The following GALR1 variants were observed in gnomAD, a reference collection of about 807,000 sequenced individuals.
GALR1 encodes the protein galanin receptor 1.
In GALR1, 11 loss-of-function variants were observed where a neutral mutation model predicts 17.9. The ratio of observed to expected loss-of-function variants is 0.62; its 90% CI spans 0.39 to 1.02. The LOEUF (loss-of-function observed/expected upper bound fraction) is 1.02, where lower values mean the gene tolerates loss of function less well. Among genes scored for constraint, GALR1 ranks in the 50% least tolerant of loss-of-function variants. The pLI is 0.01. For synonymous variants in GALR1, 206 were observed against 205.7 expected (o/e 1.00, Z -0.01); for missense variants, 441 against 456.9 (o/e 0.97, Z 0.32).
At chr18:77,262,576 T>A (rs2144963397) in intron 2 of GALR1, among the ~76,000 whole-genome samples, 1 of 152,350 alleles carries the variant, frequency 6.6e-6, no homozygotes, top group Non-Finnish European at 1.5e-5. Flanking sequence ...CAGGACCAGG[T>A]GCCCAGGGCC....
intron 2 of GALR1, among the ~76,000 whole-genome samples, chr18:77,256,686 GC>G (rs943131257): frequency 6.6e-6 from 1 of 152,180 alleles, no homozygotes; most frequent in African/African-American, 2.4e-5. Flanking sequence ...AGAGTGCTGG[GC>G]CATTCTTGCC....
chr18:77,251,119 T>G lies in GALR1; in HGVS notation c.571T>G (p.Trp191Gly), dbSNP rs1728782625. Residue 191 changes from tryptophan to glycine, a missense_variant, in exon 1 of 3, where the codon TGG becomes GGG. Coordinates refer to ENST00000299727, the MANE Select transcript of GALR1 (RefSeq NM_001480.4). ...ASNQTFCWEQWPDPRHKKAYV... is the reference protein window; with the variant it reads ...ASNQTFCWEQGPDPRHKKAYV... The stretch of plus-strand genomic sequence containing the variant: ...CAACCAGACCTTCTGCTGGGAGCAG[T>G]GGCCCGACCCTCGCCACAAGAAGGC... 1.2e-6 allele frequency: 2 copies of G among 1,612,820 alleles called. No individual in the cohort carries two copies. Among genetic ancestry groups the G allele is most frequent in the African/African-American group, 2.7e-5 (2 of 74,942 alleles).
Position 77,275,039 on chromosome 18 carries a change from A to G in GALR1, c.*6137A>G, listed in dbSNP as rs1168941882. The G allele has an allele frequency of 6.6e-6, 1 of 152,258 alleles. No individual in the cohort carries two copies. Among genetic ancestry groups the G allele is most frequent in the Non-Finnish European group, 1.5e-5 (1 of 68,064 alleles). 9.4% of individuals were successfully genotyped at this position (152,258 alleles called of 1,614,324 possible). On this transcript the variant is annotated 3_prime_UTR_variant, in exon 3 of 3. Coordinates refer to ENST00000299727, the MANE Select transcript of GALR1 (RefSeq NM_001480.4). ...GCCAATACTTTTCCATCTAACAGAAACGCAAGCTTCAAGAGCAAGTTATTT... is the reference window on the plus strand; with the variant it reads ...GCCAATACTTTTCCATCTAACAGAAGCGCAAGCTTCAAGAGCAAGTTATTT...
intron 1 of GALR1, among the ~76,000 whole-genome samples, chr18:77,255,438 G>A (rs1568139950): frequency 6.6e-6 from 1 of 152,180 alleles, no homozygotes; most frequent in African/African-American, 2.4e-5. Context: ...TTGCAAAAAT[G>A]TTCTGTAAAT....
In GALR1 at chr18:77,266,163, C is replaced by G. The variant is rs199544287; in HGVS notation, c.733-2422C>G. On this transcript the variant is annotated intron_variant, in intron 2 of 2. Transcript: ENST00000299727. ...AACCATCTCTCTCAAGTTCAAAGTT[C>G]CACAGATCTCTAGGGCAAGGGCAAA... 6.6e-5 allele frequency among the ~76,000 whole-genome samples: 10 copies of G among 152,262 alleles called. No individual in the cohort carries two copies. In the East Asian group the frequency reaches 1.9e-3, roughly 29 times the overall value.
Position 77,272,853 on chromosome 18 carries a change from T to C in GALR1, c.*3951T>C, listed in dbSNP as rs767233133. ...ATTATGAAATGGTAATTATATCTGATTTTATTTAACCATATTTTAATATTT... is the reference window on the plus strand; with the variant it reads ...ATTATGAAATGGTAATTATATCTGACTTTATTTAACCATATTTTAATATTT... On this transcript the variant is annotated 3_prime_UTR_variant, in exon 3 of 3. Transcript: ENST00000299727. The C allele has an allele frequency of 2.0e-5, 3 of 152,230 alleles. No homozygotes were observed. Among genetic ancestry groups the C allele is most frequent in the Non-Finnish European group, 4.4e-5 (3 of 68,044 alleles). The allele number at this position is 152,230 out of a possible 1,614,324, so 9.4% of individuals were successfully genotyped here.
rs1913069152 is a variant in GALR1 at position 77,271,700 on chromosome 18, T to C, written c.*2798T>C. The C allele has an allele frequency of 6.6e-6, 1 of 152,200 alleles. No homozygotes were observed. The allele number at this position is 152,200 out of a possible 1,614,324, so 9.4% of individuals were successfully genotyped here. A position where few individuals can be genotyped will look rare whatever the true frequency, so the allele number is the denominator to read the frequency against. On this transcript the variant is annotated 3_prime_UTR_variant, in exon 3 of 3. Transcript: ENST00000299727. Reference sequence around the variant, plus strand: ...GCTGCTTGAAACTCACATTTTCAGTTTACTTCAAAGAAAACTGATGCTTTC... The same window carrying C: ...GCTGCTTGAAACTCACATTTTCAGTCTACTTCAAAGAAAACTGATGCTTTC...
chr18:77,251,064 C>CCA lies in GALR1; in HGVS notation c.518_519dup (p.Gln174ThrfsTer59). On this transcript the variant is annotated frameshift_variant, in exon 1 of 3. Transcript: ENST00000299727. LOFTEE classifies it high-confidence loss of function. ...TTGCCATGGCCTCGCCCGTGGCCTA[C>CCA]CACCAGGGCCTCTTCCACCCGCGCG... The CCA allele has an allele frequency of 6.2e-7, 1 of 1,608,876 alleles. No homozygotes were observed. Among genetic ancestry groups the CCA allele is most frequent in the African/African-American group, 1.3e-5 (1 of 75,034 alleles).
At chr18:77,258,820 G>GGT (rs1346269136) in intron 2 of GALR1, among the ~76,000 whole-genome samples, 1 of 127,330 alleles carries the variant, frequency 7.9e-6, no homozygotes, top group African/African-American at 2.9e-5. Flanking sequence ...TCATAGTGGT[G>GGT]GTGGTGCTGG....
Position 77,255,910 on chromosome 18 carries a change from A to C in GALR1, c.667-248A>C, listed in dbSNP as rs1009446138. Among the ~76,000 whole-genome samples the C allele has an allele frequency of 2.0e-5, 3 of 152,354 alleles. No individual in the cohort carries two copies. The South Asian group carries it at 6.2e-4, about 32-fold the overall frequency. Reference sequence around the variant, plus strand: ...GCTCCACGCCCTGGGCATTCTCTGCAAACAGGTGCTATGGCTGTGAACTTG... The same window carrying C: ...GCTCCACGCCCTGGGCATTCTCTGCCAACAGGTGCTATGGCTGTGAACTTG... On this transcript the variant is annotated intron_variant, in intron 1 of 2. Transcript: ENST00000299727.
intron 2 of GALR1, among the ~76,000 whole-genome samples, chr18:77,262,109 T>C (rs553686606): frequency 1.3e-5 from 2 of 152,198 alleles, no homozygotes; most frequent in African/African-American, 2.4e-5. Context: ...ATTACAGGCA[T>C]GAGCCACTGT....
intron 2 of GALR1, among the ~76,000 whole-genome samples, chr18:77,258,568 G>GGGT (rs1427809700): frequency 4.4e-5 from 1 of 22,652 alleles, no homozygotes; most frequent in Non-Finnish European, 1.2e-4. Flanking sequence ...GTCATAGTGG[G>GGGT]GGTGGTGGTG....
chr18:77,275,618 G>C lies in GALR1; in HGVS notation c.*6716G>C, dbSNP rs1027888393. ...CAAAGATCCAAGAAAGCAGAAGAGT[G>C]GGGGTGGGAGTGGGGCTAAATGTGT... is the stretch of plus-strand genomic sequence containing the variant. On this transcript the variant is annotated 3_prime_UTR_variant, in exon 3 of 3. Transcript: ENST00000299727. The C allele has an allele frequency of 1.3e-5, 2 of 152,208 alleles. No individual in the cohort carries two copies. Among genetic ancestry groups the C allele is most frequent in the African/African-American group, 4.8e-5 (2 of 41,432 alleles). 9.4% of individuals were successfully genotyped at this position (152,208 alleles called of 1,614,324 possible). A position where few individuals can be genotyped will look rare whatever the true frequency, so the allele number is the denominator to read the frequency against.
In GALR1 at chr18:77,273,840, G is replaced by A. The variant is rs1477044195; in HGVS notation, c.*4938G>A. The A allele has an allele frequency of 6.6e-6, 1 of 152,100 alleles. No individual in the cohort carries two copies. Among genetic ancestry groups the A allele is most frequent in the Non-Finnish European group, 1.5e-5 (1 of 68,022 alleles). The allele number at this position is 152,100 out of a possible 1,614,324, so 9.4% of individuals were successfully genotyped here. On this transcript the variant is annotated 3_prime_UTR_variant, in exon 3 of 3. Coordinates refer to ENST00000299727, the MANE Select transcript of GALR1 (RefSeq NM_001480.4). ...TTGGATAGAAAGCCTCTCCTTTTCTGCTGGAGAAGAGATTTCTCAGGCCAA... is the reference window on the plus strand; with the variant it reads ...TTGGATAGAAAGCCTCTCCTTTTCTACTGGAGAAGAGATTTCTCAGGCCAA...
rs781546256 is a variant in GALR1, at chr18:77,256,151, C to G, written c.667-7C>G. ...GCGAACTGATTTCAATAGTCTGTGT[C>G]TTTCAGGTCCTTAATCACTTGCATA... is the stretch of plus-strand genomic sequence containing the variant. On this transcript the variant is annotated splice_polypyrimidine_tract_variant and splice_region_variant and intron_variant, in intron 1 of 2. Coordinates refer to ENST00000299727, the MANE Select transcript of GALR1 (RefSeq NM_001480.4). 3 of 1,578,474 alleles carry G rather than the reference C, an allele frequency of 1.9e-6. No homozygotes were observed. Among genetic ancestry groups the G allele is most frequent in the Non-Finnish European group, 2.6e-6 (3 of 1,148,168 alleles).
intron 2 of GALR1, among the ~76,000 whole-genome samples, chr18:77,262,934 C>T (rs1912863475): frequency 6.6e-6 from 1 of 152,220 alleles, no homozygotes; most frequent in Non-Finnish European, 1.5e-5. Context: ...GTCACAGACA[C>T]ACAAAGTTAA....
chr18:77,265,301 A>G (rs1363829193), intron 2 of GALR1, among the ~76,000 whole-genome samples: 2 of 152,188 alleles, frequency 1.3e-5, no homozygotes, highest in Non-Finnish European at 2.9e-5. Context: ...CTCCAAAATG[A>G]TCTCCTTGGA....
rs1913130834 is a variant in GALR1, at chr18:77,275,117, C to T, written c.*6215C>T. ...CCATAGCATTGGTTGTAGAACAGGTCAGTTGGCATGTGGCCTCCTGAGGGC... is the reference window on the plus strand; with the variant it reads ...CCATAGCATTGGTTGTAGAACAGGTTAGTTGGCATGTGGCCTCCTGAGGGC... On this transcript the variant is annotated 3_prime_UTR_variant, in exon 3 of 3. Coordinates refer to ENST00000299727, the MANE Select transcript of GALR1 (RefSeq NM_001480.4). The T allele has an allele frequency of 6.6e-6, 1 of 152,196 alleles. No individual in the cohort carries two copies. Among genetic ancestry groups the T allele is most frequent in the Non-Finnish European group, 1.5e-5 (1 of 68,054 alleles). The allele number at this position is 152,196 out of a possible 1,614,324, so 9.4% of individuals were successfully genotyped here. A position where few individuals can be genotyped will look rare whatever the true frequency, so the allele number is the denominator to read the frequency against.
rs1333521243 is a variant in GALR1, at chr18:77,250,019, C to A, written c.-530C>A. ...GAGGTGGCGCTGGGCGCGCGGGATG[C>A]GCGGGGAGCCTTCTCTGCAGGAGCC... On this transcript the variant is annotated 5_prime_UTR_variant, in exon 1 of 3. Transcript: ENST00000299727. Among the ~76,000 whole-genome samples, 2 of 152,260 alleles carry A rather than the reference C, an allele frequency of 1.3e-5. No homozygotes were observed. Among genetic ancestry groups the A allele is most frequent in the East Asian group, 3.9e-4 (2 of 5,152 alleles).
Sources: gnomAD v4.1 joint callset for allele counts (sites outside exome capture counted in the v4.1 genomes callset) on GRCh38, gnomAD v4.1.1 for gene constraint, MANE v1.5 for transcripts, NCBI Gene and HGNC (gene_info 2026-07-23, HGNC 2026-07-21) for gene names.